GPC2: variants seen among roughly 807,000 people sequenced by gnomAD.
GPC2 encodes the protein glypican-2.
A neutral mutation model predicts 57.3 loss-of-function variants in GPC2; 42 were observed. The ratio of observed to expected loss-of-function variants is 0.73; its 90% confidence interval spans 0.57 to 0.95. The LOEUF (loss-of-function observed/expected upper bound fraction) is 0.95, where lower values mean the gene tolerates loss of function less well. Ranked by LOEUF, GPC2 falls within the 40% of genes least tolerant of loss-of-function variation. The pLI is 0.00. For synonymous variants in GPC2, 364 were observed against 343.4 expected, an observed-to-expected ratio of 1.06 and a Z score of -0.66; for missense variants, 745 against 793.6, an observed-to-expected ratio of 0.94 and a Z score of 0.74.
In GPC2 at chr7:100,177,118, C is replaced by G; in HGVS notation, c.82G>C (p.Val28Leu). ...CGGGTCTCTGCACAACTCCGGGTGA[C>G]CTTTGCCTCGCTCCCGGGTCCGGGA... ...PGPGPGSEAK[V>L]TRSCAETRQV... Residue 28 changes from valine to leucine, a missense_variant, in exon 1 of 10, where the codon GTC (valine) becomes CTC (leucine). This residue lies in a region of GPC2 where 138 missense variants were observed against 189.8 expected (regional missense o/e 0.73). Transcript: ENST00000292377. 1 of 1,613,390 alleles carries G rather than the reference C, an allele frequency of 6.2e-7. No homozygotes were observed. The highest frequency in any genetic ancestry group is 8.5e-7 in the Non-Finnish European group (1 of 1,179,744).
In GPC2 at chr7:100,177,025, T is replaced by A; in HGVS notation, c.166+9A>T. ...CCCCCAATTCTCTAGTCTTCCTCTT[T>A]CTCCTCACCTGAGATCAGGGCGGGA... On this transcript the variant is annotated intron_variant, in intron 1 of 9. Coordinates refer to ENST00000292377, the MANE Select transcript of GPC2 (RefSeq NM_152742.3). 8.7e-7 allele frequency: 1 copy of A among 1,153,398 alleles called. No homozygotes were observed. The highest frequency in any genetic ancestry group is 1.2e-6 in the Non-Finnish European group (1 of 859,830). 71.4% of individuals were successfully genotyped at this position (1,153,398 alleles called of 1,614,324 possible).
Position 100,170,244 on chromosome 7 carries a change from G to GC in GPC2, c.1725dup (p.Leu576AlafsTer121), listed in dbSNP as rs1288957440. On this transcript the variant is annotated frameshift_variant, in exon 10 of 10. Coordinates refer to ENST00000292377, the MANE Select transcript of GPC2 (RefSeq NM_152742.3). LOFTEE classifies it high-confidence loss of function. Reference sequence around the variant, plus strand: ...CCCCTCCCCCGTTATCGAGGTCCAAGCAGGGCCAGGGCTGAGAGGGAGAGA... The same window carrying GC: ...CCCCTCCCCCGTTATCGAGGTCCAAGCCAGGGCCAGGGCTGAGAGGGAGAGA... 6.4e-7 allele frequency: 1 copy of GC among 1,559,326 alleles called. No homozygotes were observed. The highest frequency in any genetic ancestry group is 1.2e-5 in the South Asian group (1 of 84,572).
chr7:100,172,673 G>GTGTGTGTGTGTGTATATATATATATA (rs1427425109), intron 5 of GPC2, among the ~76,000 whole-genome samples: 4 of 117,234 alleles, frequency 3.4e-5, no homozygotes, highest in African/African-American at 1.1e-4. Context: ...ATATATATAT[G>GTGTGTGTGTGTGTATATATATATATA]TGTGTGTGTG....
Position 100,177,264 on chromosome 7 carries a change from G to A in GPC2, c.-65C>T. 1 of 1,442,834 alleles carries A rather than the reference G, an allele frequency of 6.9e-7. No homozygotes were observed. Among genetic ancestry groups the A allele is most frequent in the South Asian group, 1.4e-5 (1 of 73,758 alleles). The allele number at this position is 1,442,834 out of a possible 1,614,324, so 89.4% of individuals were successfully genotyped here. A position where few individuals can be genotyped will look rare whatever the true frequency, so the allele number is the denominator to read the frequency against. ...AGGAAAGCAGAGCCTCCCAAACTCG[G>A]GAATCCGGTACTCGGCCGCGGGACC... On this transcript the variant is annotated 5_prime_UTR_variant, in exon 1 of 10. Transcript: ENST00000292377.
Position 100,171,629 on chromosome 7 carries a change from C to T in GPC2, c.1220G>A (p.Arg407Gln), listed in dbSNP as rs1319502105. The T allele has an allele frequency of 6.5e-6, 10 of 1,533,024 alleles. No individual in the cohort carries two copies. The highest frequency in any genetic ancestry group is 8.7e-6 in the Non-Finnish European group (10 of 1,152,698). The allele number at this position is 1,533,024 out of a possible 1,614,324, so 95.0% of individuals were successfully genotyped here. A position where few individuals can be genotyped will look rare whatever the true frequency, so the allele number is the denominator to read the frequency against. Residue 407 changes from arginine to glutamine, a missense_variant, in exon 8 of 10, where the codon CGG (arginine) becomes CAG (glutamine). By Grantham distance (43) the Arg-to-Gln change is conservative. Coordinates refer to ENST00000292377, the MANE Select transcript of GPC2 (RefSeq NM_152742.3). This position sits in a 1 kb window ranked among gnomAD's most constrained non-coding sequence, Gnocchi z 4.8. ...RLARMRGFWA[R>Q]LSLTVCGDSR... ...GTCTCCGCACACCGTCAGGGACAGC[C>T]GGGCCCAGAAGCCCCGCATCCGGGC... is the stretch of plus-strand genomic sequence containing the variant.
In GPC2 at chr7:100,171,730, T is replaced by TC. The variant is rs1441940926; in HGVS notation, c.1170+48dup. ...AGCTGGAGCGCGACCCCCACAACCA[T>TC]CCCCGGCCCCGGGCCCCCCCGCCCC... On this transcript the variant is annotated intron_variant, in intron 7 of 9. Coordinates refer to ENST00000292377, the MANE Select transcript of GPC2 (RefSeq NM_152742.3). The surrounding 1 kb of genome is among the most constrained non-coding windows in gnomAD (Gnocchi z 4.8). 23 of 1,423,620 alleles carry TC rather than the reference T, an allele frequency of 1.6e-5. No homozygotes were observed. In the Admixed American group the frequency reaches 1.8e-4, roughly 11 times the overall value. The allele number at this position is 1,423,620 out of a possible 1,614,324, so 88.2% of individuals were successfully genotyped here.
chr7:100,173,931 C>A lies in GPC2; in HGVS notation c.796G>T (p.Val266Phe). ...RLIGCPLCRGVPSLMPCQGFC... is the reference protein window; with the variant it reads ...RLIGCPLCRGFPSLMPCQGFC... ...CCCTGGCAGGGCATAAGTGAGGGGA[C>A]CCCCCGGCACAGGGGACAGCCGATG... Residue 266 changes from valine to phenylalanine, a missense_variant, in exon 5 of 10, where the codon GTC becomes TTC. Coordinates refer to ENST00000292377, the MANE Select transcript of GPC2 (RefSeq NM_152742.3). 1.3e-6 allele frequency: 2 copies of A among 1,595,844 alleles called. No homozygotes were observed. Among genetic ancestry groups the A allele is most frequent in the South Asian group, 2.3e-5 (2 of 88,884 alleles).
rs1406512412 is a variant in GPC2, at chr7:100,171,761, C to G, written c.1170+18G>C. On this transcript the variant is annotated intron_variant, in intron 7 of 9. Coordinates refer to ENST00000292377, the MANE Select transcript of GPC2 (RefSeq NM_152742.3). The surrounding 1 kb of genome is among the most constrained non-coding windows in gnomAD (Gnocchi z 4.8). ...GCCCCGGGCCCCCCCGCCCCCAACT[C>G]TTGGTCATCCCACGCACCAGCCGGT... The G allele has an allele frequency of 6.6e-7, 1 of 1,518,836 alleles. No individual in the cohort carries two copies. The highest frequency in any genetic ancestry group is 8.7e-7 in the Non-Finnish European group (1 of 1,142,974). The allele number at this position is 1,518,836 out of a possible 1,614,324, so 94.1% of individuals were successfully genotyped here. A position where few individuals can be genotyped will look rare whatever the true frequency, so the allele number is the denominator to read the frequency against.
chr7:100,173,800 C>T, intron 5 of GPC2, 35 bp downstream of exon 5: 2 of 1,483,730 alleles, frequency 1.3e-6, no homozygotes, highest in Non-Finnish European at 1.8e-6. Flanking sequence ...TGTGAGCCAC[C>T]ATGCCTGGCT....
intron 3 of GPC2, 138 bp downstream of exon 3, chr7:100,175,434 T>C: frequency 1.5e-6 from 1 of 677,704 alleles, no homozygotes; most frequent in Non-Finnish European, 2.5e-6. Context: ...GATCACCAGG[T>C]CAGAAATGGC....
rs765918977 is a variant in GPC2 at position 100,177,226 on chromosome 7, G to A, written c.-27C>T. The A allele has an allele frequency of 1.2e-6, 2 of 1,600,624 alleles. No individual in the cohort carries two copies. The highest frequency in any genetic ancestry group is 2.3e-5 in the East Asian group (1 of 44,440). On this transcript the variant is annotated 5_prime_UTR_variant, in exon 1 of 10. Coordinates refer to ENST00000292377, the MANE Select transcript of GPC2 (RefSeq NM_152742.3). The stretch of plus-strand genomic sequence containing the variant: ...ACTGCAGCCACCCCAGGACGGCAAA[G>A]TGGGTCCTAAGGAGGAAAGCAGAGC...
At chr7:100,176,907 G>A (rs1389316574) in intron 1 of GPC2, 127 bp downstream of exon 1, 1 of 706,292 alleles carries the variant, frequency 1.4e-6, no homozygotes, top group Non-Finnish European at 2.3e-6. Flanking sequence ...GAGGAGAACA[G>A]ACATTACTGT....
chr7:100,176,139 G>C, intron 2 of GPC2, 68 bp downstream of exon 2: 1 of 1,436,178 alleles, frequency 7.0e-7, no homozygotes, highest in Non-Finnish European at 9.5e-7. Context: ...GTGGGGACAG[G>C]AGCCTTGCTG....
At chr7:100,174,862 G>T in intron 3 of GPC2, 97 bp from the exon 4 acceptor site, 2 of 848,104 alleles carry the variant, frequency 2.4e-6, no homozygotes, top group South Asian at 1.6e-5. Context: ...TGAGGGTTGG[G>T]TGTGTGGGGT....
chr7:100,171,162 T>G lies in GPC2; in HGVS notation c.1486+99A>C, dbSNP rs993564529. On this transcript the variant is annotated intron_variant, in intron 9 of 9. Coordinates refer to ENST00000292377, the MANE Select transcript of GPC2 (RefSeq NM_152742.3). This position sits in a 1 kb window ranked among gnomAD's most constrained non-coding sequence, Gnocchi z 4.8. ...TTGAATGAATTAGTGAATTAATCAA[T>G]GAACGCTAAGAGCAGAGGCACGGGC... The G allele has an allele frequency of 9.5e-7, 1 of 1,056,046 alleles. No homozygotes were observed. Among genetic ancestry groups the G allele is most frequent in the East Asian group, 3.2e-5 (1 of 31,526 alleles). The allele number at this position is 1,056,046 out of a possible 1,614,324, so 65.4% of individuals were successfully genotyped here.
rs1409532792 is a variant in GPC2 at position 100,177,319 on chromosome 7, C to A, written c.-120G>T. ...CGCGGGCCAGAGAAAGAGCGCTGCTCCGGAAAACTGAATACCGAGCACGAT... is the reference window on the plus strand; with the variant it reads ...CGCGGGCCAGAGAAAGAGCGCTGCTACGGAAAACTGAATACCGAGCACGAT... On this transcript the variant is annotated 5_prime_UTR_variant, in exon 1 of 10. Coordinates refer to ENST00000292377, the MANE Select transcript of GPC2 (RefSeq NM_152742.3). 9 of 838,440 alleles carry A rather than the reference C, an allele frequency of 1.1e-5. No homozygotes were observed. In the Admixed American group the frequency reaches 2.9e-4, roughly 27 times the overall value. 51.9% of individuals were successfully genotyped at this position (838,440 alleles called of 1,614,324 possible).
Position 100,177,158 on chromosome 7 carries a change from C to A in GPC2, c.42G>T (p.Leu14=). 2 of 1,613,868 alleles carry A rather than the reference C, an allele frequency of 1.2e-6. No individual in the cohort carries two copies. The highest frequency in any genetic ancestry group is 1.7e-6 in the Non-Finnish European group (2 of 1,179,924). Residue 14 remains leucine (L), a synonymous_variant, in exon 1 of 10, where the codon CTG becomes CTT. Transcript: ENST00000292377. ...CGGGTCCGGGACCAGGACCGGGACA[C>A]AGAGGCAGCAGCAGAAGCAGGAGAG... ...LRPLLLLLLP[L]CPGPGPGPGS... is the part of the protein sequence containing the mutation.
Position 100,176,238 on chromosome 7 carries a change from G to A in GPC2, c.294C>T (p.His98=). The change falls in exon 2 of 10, where the codon CAC becomes CAT. Residue 98 remains histidine, a synonymous_variant. Coordinates refer to ENST00000292377, the MANE Select transcript of GPC2 (RefSeq NM_152742.3). The stretch of plus-strand genomic sequence containing the variant: ...ATTTTCTGTGCCTGGCAGCCAGTGT[G>A]TGAACCAGAAAGGAGCCGCTGTCCT... ...LVEDSGSFLV[H]TLAARHRKFD... is the part of the protein sequence containing the mutation. The A allele has an allele frequency of 1.2e-6, 2 of 1,612,946 alleles. No homozygotes were observed. The highest frequency in any genetic ancestry group is 1.1e-5 in the South Asian group (1 of 90,828).
chr7:100,171,930 G>A lies in GPC2; in HGVS notation c.1024-5C>T. The stretch of plus-strand genomic sequence containing the variant: ...GGGGCCGCACTCCTGAAACACCTGC[G>A]GCACCGGGAAGAGACCTCACACAGT... On this transcript the variant is annotated splice_polypyrimidine_tract_variant and splice_region_variant and intron_variant, in intron 6 of 9. Transcript: ENST00000292377. The surrounding 1 kb of genome is among the most constrained non-coding windows in gnomAD (Gnocchi z 4.8). 1 of 1,507,788 alleles carries A rather than the reference G, an allele frequency of 6.6e-7. No homozygotes were observed. Among genetic ancestry groups the A allele is most frequent in the South Asian group, 1.3e-5 (1 of 78,012 alleles). The allele number at this position is 1,507,788 out of a possible 1,614,324, so 93.4% of individuals were successfully genotyped here. A position where few individuals can be genotyped will look rare whatever the true frequency, so the allele number is the denominator to read the frequency against.
Sources: allele counts gnomAD v4.1 joint callset (sites outside exome capture counted in the v4.1 genomes callset), GRCh38; gene constraint gnomAD v4.1.1; regional missense constraint gnomAD v4.1.1; non-coding constraint Gnocchi (gnomAD v3.1); transcripts MANE v1.5; gene names NCBI Gene and HGNC (gene_info 2026-07-23, HGNC 2026-07-21).